Variants in DPP10 observed in about 807,000 individuals in gnomAD.
DPP10 encodes dipeptidyl peptidase like 10.
DPP10 carries 33 observed loss-of-function variants against 120.9 expected under a neutral mutation model. The observed-to-expected ratio is 0.27, with a 90% CI of 0.21 to 0.37. The LOEUF (loss-of-function observed/expected upper bound fraction) is 0.37. DPP10 is among the 10% of genes least tolerant of loss of function. DPP10 has a pLI of 1.00. For missense variants in DPP10, 816 were observed against 942.8 expected (o/e 0.87, Z 1.76); for synonymous variants, 337 against 326.1 (o/e 1.03, Z -0.36).
intron 1 of DPP10, among the ~76,000 whole-genome samples, chr2:115,005,587 C>T (rs189543180): frequency 0.047 from 7,195 of 151,682 alleles, 256 homozygotes; most frequent in East Asian, 0.16. Context: ...CCTCAGGAGC[C>T]GATGTGATCA....
At chr2:115,449,485 A>C (rs947624957) in intron 3 of DPP10, among the ~76,000 whole-genome samples, 6 of 152,136 alleles carry the variant, frequency 3.9e-5, no homozygotes, top group African/African-American at 1.4e-4. Flanking sequence ...GTTAAGGATC[A>C]ATATAATGTG....
At chr2:114,674,333 A>C (rs908516588) in intron 1 of DPP10, among the ~76,000 whole-genome samples, 2 of 152,076 alleles carry the variant, frequency 1.3e-5, no homozygotes, top group African/African-American at 4.8e-5. Context: ...TTAGGGGCTC[A>C]TAATATTCCA....
chr2:114,701,912 G>A (rs532176285), intron 1 of DPP10, among the ~76,000 whole-genome samples: 18 of 152,156 alleles, frequency 1.2e-4, no homozygotes, highest in South Asian at 8.3e-4. Flanking sequence ...ACAAATCAGC[G>A]CAAGCCTAGA....
At chr2:115,427,520 TG>T (rs2070593691) in intron 3 of DPP10, among the ~76,000 whole-genome samples, 1 of 152,170 alleles carries the variant, frequency 6.6e-6, no homozygotes, top group Non-Finnish European at 1.5e-5. Flanking sequence ...AGCTGTACTG[TG>T]AGGCCTCTGA....
chr2:114,864,925 C>A (rs1019893572), intron 1 of DPP10, among the ~76,000 whole-genome samples: 1 of 152,022 alleles, frequency 6.6e-6, no homozygotes, highest in African/African-American at 2.4e-5. Flanking sequence ...CTAATAATAA[C>A]GTAAAAGATC....
At chr2:114,898,958 G>T (rs985485722) in intron 1 of DPP10, among the ~76,000 whole-genome samples, 7 of 152,084 alleles carry the variant, frequency 4.6e-5, no homozygotes, top group African/African-American at 1.7e-4. Context: ...TCTGGATGTG[G>T]ACTAGAATCT....
At chr2:114,955,197 C>T (rs958493608) in intron 1 of DPP10, among the ~76,000 whole-genome samples, 2 of 152,178 alleles carry the variant, frequency 1.3e-5, no homozygotes, top group Non-Finnish European at 2.9e-5. Context: ...TATTATGCCT[C>T]CCCTTTTTAG....
At chr2:115,560,227 C>G (rs2080480915) in intron 5 of DPP10, among the ~76,000 whole-genome samples, 1 of 148,256 alleles carries the variant, frequency 6.7e-6, no homozygotes, top group Non-Finnish European at 1.5e-5. Flanking sequence ...AAAAATTAGC[C>G]AGGTGTGGTG....
intron 5 of DPP10, among the ~76,000 whole-genome samples, chr2:115,573,148 TAGAAC>T (rs2081435483): frequency 6.6e-6 from 1 of 151,862 alleles, no homozygotes; most frequent in African/African-American, 2.4e-5. Flanking sequence ...AAGTAGGAAA[TAGAAC>T]AGTCAGAGCA....
At chr2:114,824,123 T>C (rs1686327686) in intron 1 of DPP10, among the ~76,000 whole-genome samples, 2 of 152,204 alleles carry the variant, frequency 1.3e-5, no homozygotes, top group Admixed American at 1.3e-4. Flanking sequence ...ACCAGAGTAG[T>C]CTTATGTGTG....
At chr2:115,543,677 T>G (rs1460306967) in intron 5 of DPP10, among the ~76,000 whole-genome samples, 1 of 152,002 alleles carries the variant, frequency 6.6e-6, no homozygotes, top group African/African-American at 2.4e-5. Flanking sequence ...ATAGAATCAG[T>G]ATGTCTTCAG....
intron 1 of DPP10, chr2:114,828,996 TCTAGTTACTAGG>T (rs1367646189): frequency 6.6e-6 from 1 of 152,196 alleles, no homozygotes; most frequent in Non-Finnish European, 1.5e-5. Context: ...ATAAAAATAG[TCTAGTTACTAGG>T]CCAGGTGCGG....
At chr2:115,064,447 A>T (rs557577554) in intron 1 of DPP10, 2 of 220,582 alleles carry the variant, frequency 9.1e-6, no homozygotes, top group South Asian at 1.4e-4. Context: ...AAGCTATATG[A>T]CTGTGGCTCA....
intron 3 of DPP10, among the ~76,000 whole-genome samples, chr2:115,355,086 A>G (rs989806271): frequency 1.3e-5 from 2 of 152,158 alleles, no homozygotes; most frequent in Non-Finnish European, 2.9e-5. Flanking sequence ...TTGCTGGGTC[A>G]AAGGTTATTT....
At chr2:115,090,586 G>A (rs6726568) in intron 1 of DPP10, among the ~76,000 whole-genome samples, 4 of 152,018 alleles carry the variant, frequency 2.6e-5, no homozygotes, top group African/African-American at 9.7e-5. Context: ...TTAGAGTTTG[G>A]TTTTTGTAAA....
intron 1 of DPP10, among the ~76,000 whole-genome samples, chr2:114,952,081 T>C (rs1697831543): frequency 6.6e-6 from 1 of 151,970 alleles, no homozygotes; most frequent in Non-Finnish European, 1.5e-5. Context: ...ATTCAGTATA[T>C]AATTTTATTA....
chr2:114,996,885 G>A (rs1023433918), intron 1 of DPP10, among the ~76,000 whole-genome samples: 1 of 151,506 alleles, frequency 6.6e-6, no homozygotes, highest in Non-Finnish European at 1.5e-5. Context: ...GGGAGTCTGA[G>A]GCAGGAGAAT....
chr2:115,720,673 A>G (rs1296771450), intron 7 of DPP10, among the ~76,000 whole-genome samples: 1 of 152,158 alleles, frequency 6.6e-6, no homozygotes, highest in African/African-American at 2.4e-5. Context: ...TAGAAACCTA[A>G]TAGTGATTCT....
At chr2:115,256,788 C>G (rs183132900) in intron 1 of DPP10, among the ~76,000 whole-genome samples, 28 of 152,346 alleles carry the variant, frequency 1.8e-4, no homozygotes, top group Admixed American at 8.5e-4. Context: ...AACTTTTACA[C>G]TCTTCTTCCT....
Sources: allele counts gnomAD v4.1 joint callset (sites outside exome capture counted in the v4.1 genomes callset), GRCh38; gene constraint gnomAD v4.1.1; transcripts MANE v1.5; gene names NCBI Gene and HGNC (gene_info 2026-07-23, HGNC 2026-07-21).